Variants in GPC6 observed in about 807,000 individuals in gnomAD.
GPC6 encodes the protein glypican 6.
In GPC6, 14 loss-of-function variants were observed where a neutral mutation model predicts 55.2. That is an observed-to-expected ratio of 0.25 (90% confidence interval 0.17 to 0.40). GPC6 has a LOEUF of 0.40. Ranked by LOEUF, GPC6 falls within the 10% of genes least tolerant of loss-of-function variation. The probability of loss-of-function intolerance (pLI) is 1.00; values close to 1 mark genes in which losing one functional copy is unlikely to be tolerated. For synonymous variants in GPC6, 278 were observed against 259.6 expected, an observed-to-expected ratio of 1.07 and a Z score of -0.68; for missense variants, 641 against 708.5, an observed-to-expected ratio of 0.90 and a Z score of 1.08.
intron 1 of GPC6, among the ~76,000 whole-genome samples, chr13:93,373,001 G>A (rs767044144): frequency 7.9e-5 from 12 of 152,104 alleles, no homozygotes; most frequent in Non-Finnish European, 2.9e-5. Flanking sequence ...CTTCAGCACT[G>A]TCATGGAGCA....
At chr13:93,375,178 C>G (rs539418649) in intron 1 of GPC6, among the ~76,000 whole-genome samples, 13 of 152,274 alleles carry the variant, frequency 8.5e-5, no homozygotes, top group Admixed American at 6.5e-4. Flanking sequence ...AATTATTCTT[C>G]TTGATGTAAA....
chr13:93,939,519 T>C (rs183326907), intron 3 of GPC6, among the ~76,000 whole-genome samples: 106 of 152,166 alleles, frequency 7.0e-4, no homozygotes, highest in Admixed American at 3.5e-3. Flanking sequence ...GAAAATGCCT[T>C]CTTTATTCAA....
At chr13:93,308,201 C>T (rs1207649302) in intron 1 of GPC6, among the ~76,000 whole-genome samples, 1 of 152,070 alleles carries the variant, frequency 6.6e-6, no homozygotes, top group African/African-American at 2.4e-5. Flanking sequence ...AGGAGAATGG[C>T]ATGAACCCGG....
chr13:93,540,260 C>A (rs1412402905), intron 1 of GPC6, among the ~76,000 whole-genome samples: 1 of 151,962 alleles, frequency 6.6e-6, no homozygotes, highest in Non-Finnish European at 1.5e-5. Flanking sequence ...TAACATATTT[C>A]CCAGTTTTTG....
intron 2 of GPC6, among the ~76,000 whole-genome samples, chr13:93,729,552 C>T (rs577667599): frequency 5.3e-4 from 81 of 152,236 alleles, no homozygotes; most frequent in African/African-American, 1.9e-3. Context: ...TTTCAAGGTA[C>T]GTGTCATCTT....
chr13:94,319,436 C>G (rs904840727), intron 6 of GPC6, among the ~76,000 whole-genome samples: 1 of 152,096 alleles, frequency 6.6e-6, no homozygotes, highest in African/African-American at 2.4e-5. Context: ...GTGTGTTTTA[C>G]ACAAAACAAA....
intron 4 of GPC6, among the ~76,000 whole-genome samples, chr13:94,185,205 G>C (rs1197751397): frequency 6.6e-6 from 1 of 151,312 alleles, no homozygotes; most frequent in African/African-American, 2.4e-5. Flanking sequence ...CTTACTACCT[G>C]GGTGCGGTAT....
intron 1 of GPC6, among the ~76,000 whole-genome samples, chr13:93,374,428 G>T (rs1262513054): frequency 2.0e-5 from 3 of 152,104 alleles, no homozygotes; most frequent in African/African-American, 4.8e-5. Flanking sequence ...CTCTCTTACG[G>T]GGTATCCTCT....
At chr13:94,252,369 A>G (rs1032266241) in intron 4 of GPC6, among the ~76,000 whole-genome samples, 2 of 152,092 alleles carry the variant, frequency 1.3e-5, no homozygotes, top group African/African-American at 4.8e-5. Flanking sequence ...TAAAAGCCCA[A>G]CTTCTTGGCT....
chr13:94,148,785 G>T (rs1367494745), intron 4 of GPC6, among the ~76,000 whole-genome samples: 2 of 152,152 alleles, frequency 1.3e-5, no homozygotes, highest in Non-Finnish European at 2.9e-5. Flanking sequence ...AGAACAAGTT[G>T]TCAATGAGAT....
At chr13:93,926,230 CT>C (rs1334084015) in intron 3 of GPC6, among the ~76,000 whole-genome samples, 3 of 152,054 alleles carry the variant, frequency 2.0e-5, no homozygotes, top group Non-Finnish European at 4.4e-5. Context: ...TTATTGCAGG[CT>C]ATTTTTGGAG....
At chr13:93,630,476 C>T (rs1288015713) in intron 2 of GPC6, among the ~76,000 whole-genome samples, 1 of 152,114 alleles carries the variant, frequency 6.6e-6, no homozygotes, top group Non-Finnish European at 1.5e-5. Context: ...TAAATGTTTG[C>T]TGACTGAATA....
At chr13:93,297,680 C>T (rs1239000861) in intron 1 of GPC6, among the ~76,000 whole-genome samples, 1 of 151,976 alleles carries the variant, frequency 6.6e-6, no homozygotes, top group African/African-American at 2.4e-5. Context: ...CCCCCTTCAC[C>T]TCAGCTAAAA....
At chr13:94,097,315 A>C (rs1885698541) in intron 4 of GPC6, among the ~76,000 whole-genome samples, 1 of 152,064 alleles carries the variant, frequency 6.6e-6, no homozygotes, top group Non-Finnish European at 1.5e-5. Flanking sequence ...ATCCTGGCTA[A>C]CACGGTGAAA....
chr13:94,080,861 G>C (rs1274636839), intron 4 of GPC6, among the ~76,000 whole-genome samples: 1 of 152,142 alleles, frequency 6.6e-6, no homozygotes, highest in African/African-American at 2.4e-5. Flanking sequence ...CGAGCTTCAA[G>C]ATATGAATTT....
At chr13:93,476,774 CT>C (rs1879317974) in intron 1 of GPC6, among the ~76,000 whole-genome samples, 1 of 151,912 alleles carries the variant, frequency 6.6e-6, no homozygotes, top group African/African-American at 2.4e-5. Flanking sequence ...GATGGCAGAC[CT>C]TTTATTTTGT....
intron 2 of GPC6, among the ~76,000 whole-genome samples, chr13:93,690,434 A>T (rs916076713): frequency 1.3e-5 from 2 of 151,798 alleles, no homozygotes; most frequent in Non-Finnish European, 1.5e-5. Flanking sequence ...AATGGGAAAA[A>T]ATATATATAT....
chr13:93,507,868 C>A (rs921919207), intron 1 of GPC6, among the ~76,000 whole-genome samples: 2 of 151,364 alleles, frequency 1.3e-5, no homozygotes, highest in African/African-American at 4.9e-5. Flanking sequence ...CTGTGCTTAC[C>A]GCTAAGCATA....
chr13:93,554,830 C>T (rs770834129), intron 2 of GPC6, among the ~76,000 whole-genome samples: 5 of 152,162 alleles, frequency 3.3e-5, no homozygotes, highest in Non-Finnish European at 7.3e-5. Flanking sequence ...GTCCACAGTG[C>T]TCAGATAAAT....
Sources: allele counts gnomAD v4.1 joint callset (sites outside exome capture counted in the v4.1 genomes callset), GRCh38; gene constraint gnomAD v4.1.1; transcripts MANE v1.5; gene names NCBI Gene and HGNC (gene_info 2026-07-23, HGNC 2026-07-21).